The following KIAA1217 variants were observed in gnomAD, a reference collection of about 807,000 sequenced individuals.
The protein encoded by KIAA1217 is KIAA1217, also known as sickle tail protein homolog.
A neutral mutation model predicts 163.9 loss-of-function variants in KIAA1217; 88 were observed. The ratio of observed to expected loss-of-function variants is 0.54; its 90% CI spans 0.45 to 0.64. The LOEUF (loss-of-function observed/expected upper bound fraction) is 0.64, where lower values mean the gene tolerates loss of function less well. Ranked by LOEUF, KIAA1217 falls within the 30% of genes least tolerant of loss-of-function variation. KIAA1217 has a pLI of 0.00. For missense variants in KIAA1217, 2,372 were observed against 2,475.0 expected, an observed-to-expected ratio of 0.96 and a Z score of 0.88; for synonymous variants, 903 against 923.1, an observed-to-expected ratio of 0.98 and a Z score of 0.39.
chr10:24,031,426 G>A (rs996729220), intron 2 of KIAA1217, among the ~76,000 whole-genome samples: 3 of 151,950 alleles, frequency 2.0e-5, no homozygotes, highest in Non-Finnish European at 2.9e-5. Context: ...TCAGCCTCCC[G>A]AGTAGCCGGA....
intron 2 of KIAA1217, among the ~76,000 whole-genome samples, chr10:24,286,394 T>G (rs1009715959): frequency 6.6e-6 from 1 of 151,968 alleles, no homozygotes; most frequent in Non-Finnish European, 1.5e-5. Flanking sequence ...ATTAATACAC[T>G]TAATAATGCT....
At chr10:23,836,612 T>C (rs1269087519) in intron 1 of KIAA1217, among the ~76,000 whole-genome samples, 1 of 151,658 alleles carries the variant, frequency 6.6e-6, no homozygotes, top group Non-Finnish European at 1.5e-5. Flanking sequence ...TGGTTTTTAG[T>C]GTATCCATCA....
At chr10:24,224,165 G>C (rs1214844395) in intron 2 of KIAA1217, among the ~76,000 whole-genome samples, 3 of 152,116 alleles carry the variant, frequency 2.0e-5, no homozygotes, top group African/African-American at 7.2e-5. Context: ...AGCTGTGATC[G>C]TTAAGGACTC....
intron 2 of KIAA1217, among the ~76,000 whole-genome samples, chr10:24,038,691 C>T (rs929430547): frequency 7.3e-5 from 11 of 150,752 alleles, no homozygotes; most frequent in African/African-American, 2.7e-4. Context: ...CTTCCAGTGG[C>T]TCAGACAAGC....
At chr10:23,922,062 C>A (rs761924963) in intron 1 of KIAA1217, among the ~76,000 whole-genome samples, 1 of 151,866 alleles carries the variant, frequency 6.6e-6, no homozygotes, top group Non-Finnish European at 1.5e-5. Flanking sequence ...CCACCAACAG[C>A]CTCCTGGGAG....
intron 2 of KIAA1217, among the ~76,000 whole-genome samples, chr10:24,191,626 G>A (rs2066723221): frequency 6.6e-6 from 1 of 151,902 alleles, no homozygotes; most frequent in Non-Finnish European, 1.5e-5. Context: ...CAAAATTCTT[G>A]CAAAAGCAAC....
intron 3 of KIAA1217, among the ~76,000 whole-genome samples, chr10:24,412,670 T>A (rs1462154607): frequency 1.3e-5 from 2 of 152,194 alleles, no homozygotes; most frequent in East Asian, 3.9e-4. Context: ...CCTTTGTTGG[T>A]TGCATCTCAT....
intron 9 of KIAA1217, among the ~76,000 whole-genome samples, chr10:24,509,343 G>A (rs987910216): frequency 1.3e-5 from 2 of 152,104 alleles, no homozygotes; most frequent in Admixed American, 6.6e-5. Context: ...CATTGCCCAC[G>A]TGCCAGCCGG....
At chr10:24,478,205 T>A in intron 6 of KIAA1217, among the ~76,000 whole-genome samples, 1 of 152,144 alleles carries the variant, frequency 6.6e-6, no homozygotes, top group East Asian at 1.9e-4. Flanking sequence ...GAGGGAAAAA[T>A]TCTTCCTTCC....
At chr10:24,239,697 T>TG (rs2072811198) in intron 2 of KIAA1217, among the ~76,000 whole-genome samples, 10 of 81,030 alleles carry the variant, frequency 1.2e-4, no homozygotes, top group Non-Finnish European at 1.8e-4. Context: ...GTGTGTGTGT[T>TG]TGTGTGTGTG....
intron 2 of KIAA1217, among the ~76,000 whole-genome samples, chr10:24,352,339 C>A (rs181369835): frequency 6.6e-6 from 1 of 152,230 alleles, no homozygotes; most frequent in East Asian, 1.9e-4. Context: ...ATGGAATAAT[C>A]GTGAATATTT....
At chr10:24,389,162 C>G (rs2054472210) in intron 3 of KIAA1217, among the ~76,000 whole-genome samples, 1 of 152,136 alleles carries the variant, frequency 6.6e-6, no homozygotes, top group African/African-American at 2.4e-5. Context: ...AAACGTCCAT[C>G]AATGATAGAC....
intron 2 of KIAA1217, among the ~76,000 whole-genome samples, chr10:24,318,952 G>T (rs1359153542): frequency 6.6e-6 from 1 of 152,186 alleles, no homozygotes; most frequent in Admixed American, 6.5e-5. Context: ...AGGACACCTG[G>T]GTGCACGGTT....
At chr10:24,174,762 T>C (rs900232199) in intron 2 of KIAA1217, among the ~76,000 whole-genome samples, 10 of 152,196 alleles carry the variant, frequency 6.6e-5, no homozygotes, top group Non-Finnish European at 1.2e-4. Flanking sequence ...AGGTGGTCTT[T>C]GGTTACATGA....
At chr10:23,974,389 C>T (rs181719385) in intron 1 of KIAA1217, among the ~76,000 whole-genome samples, 20 of 152,212 alleles carry the variant, frequency 1.3e-4, no homozygotes, top group Non-Finnish European at 1.5e-4. Flanking sequence ...TTTATTTCAA[C>T]GGTGTGATAT....
chr10:24,425,167 T>C (rs993803492), intron 3 of KIAA1217, among the ~76,000 whole-genome samples: 2 of 152,204 alleles, frequency 1.3e-5, no homozygotes, highest in Non-Finnish European at 2.9e-5. Flanking sequence ...AAGTTTTAGA[T>C]TTTAGTGCAG....
chr10:24,002,949 A>G (rs1380403858), intron 1 of KIAA1217, among the ~76,000 whole-genome samples: 1 of 152,188 alleles, frequency 6.6e-6, no homozygotes, highest in Non-Finnish European at 1.5e-5. Flanking sequence ...AATGGTGTCC[A>G]ACTACATCCA....
At position 24,309,346 on chromosome 10, in the gene KIAA1217, GCGCGCA is replaced by G. The variant is rs769900580; in HGVS notation, c.355-71521_355-71516del. On this transcript the variant is annotated intron_variant, in intron 2 of 20. Coordinates refer to ENST00000376454, the MANE Select transcript of KIAA1217 (RefSeq NM_019590.5). The stretch of plus-strand genomic sequence containing the variant: ...ATGACAAATAGGCGCGCGCACGCGC[GCGCGCA>G]CACACACACACACACACACACACAC... 4.8e-3 allele frequency among the ~76,000 whole-genome samples: 641 copies of G among 133,694 alleles called. 5 individuals are homozygous for G. The highest frequency in any genetic ancestry group is 8.7e-3 in the African/African-American group (329 of 37,648). 87.7% of individuals were successfully genotyped at this position (133,694 alleles called of 152,430 possible).
At chr10:24,149,225 G>T (rs538471580) in intron 2 of KIAA1217, among the ~76,000 whole-genome samples, 1 of 152,182 alleles carries the variant, frequency 6.6e-6, no homozygotes, top group African/African-American at 2.4e-5. Context: ...TGTCACCCAG[G>T]CTGGAATGCA....
Sources: gnomAD v4.1 joint callset for allele counts (sites outside exome capture counted in the v4.1 genomes callset) on GRCh38, gnomAD v4.1.1 for gene constraint, MANE v1.5 for transcripts, NCBI Gene and HGNC (gene_info 2026-07-23, HGNC 2026-07-21) for gene names.